Variants in SIRT2 observed in about 807,000 individuals in gnomAD.
The protein encoded by SIRT2 is sirtuin 2.
SIRT2 carries 40 observed loss-of-function variants against 57.4 expected under a neutral mutation model. The observed-to-expected ratio is 0.70, with a 90% CI of 0.54 to 0.91. The LOEUF (loss-of-function observed/expected upper bound fraction) is 0.91. Among genes scored for constraint, SIRT2 ranks in the 40% least tolerant of loss-of-function variants. SIRT2 has a pLI of 0.00. For missense variants in SIRT2, 439 were observed against 510.4 expected (o/e 0.86, Z 1.35); for synonymous variants, 161 against 195.7 (o/e 0.82, Z 1.48).
At chr19:38,882,937 T>A (rs1973200924) in intron 9 of SIRT2, among the ~76,000 whole-genome samples, 2 of 152,056 alleles carry the variant, frequency 1.3e-5, no homozygotes, top group South Asian at 4.1e-4. Flanking sequence ...GCTGGCATTT[T>A]ATCAGAACAG....
At position 38,880,282 on chromosome 19, in the gene SIRT2, G is replaced by A; in HGVS notation, c.876+403C>T. On this transcript the variant is annotated intron_variant, in intron 13 of 15. Transcript: ENST00000249396. The surrounding 1 kb of genome is among the most constrained non-coding windows in gnomAD (Gnocchi z 4.1). The stretch of plus-strand genomic sequence containing the variant: ...GCCCACAGCGTGCGCTGCTTGCCCG[G>A]TGACCCTGCCTACTTCCCCTGAGGG... 1 of 213,002 alleles carries A rather than the reference G, an allele frequency of 4.7e-6. No individual in the cohort carries two copies. The allele number at this position is 213,002 out of a possible 1,614,324, so 13.2% of individuals were successfully genotyped here. A position where few individuals can be genotyped will look rare whatever the true frequency, so the allele number is the denominator to read the frequency against.
chr19:38,888,992 C>T, intron 8 of SIRT2, 95 bp downstream of exon 8: 1 of 1,177,948 alleles, frequency 8.5e-7, no homozygotes, highest in Non-Finnish European at 1.2e-6. Context: ...GAGTCCCCGC[C>T]TGAGCTCTTG....
At chr19:38,884,937 C>T (rs770865559) in intron 8 of SIRT2, among the ~76,000 whole-genome samples, 17 of 151,110 alleles carry the variant, frequency 1.1e-4, no homozygotes, top group Admixed American at 2.6e-4. Flanking sequence ...GGCTGGTCAG[C>T]GAGCCTTCTG....
chr19:38,890,144 C>A lies in SIRT2; in HGVS notation c.227G>T (p.Cys76Phe), dbSNP rs1351485075. 6.2e-7 allele frequency: 1 copy of A among 1,614,090 alleles called. No individual in the cohort carries two copies. The highest frequency in any genetic ancestry group is 1.3e-5 in the African/African-American group (1 of 74,928). ...TCCCACCAAACAGATGACTCTGCGACCTGGAGGAGAGGAACTTATGCACCA... is the reference window on the plus strand; with the variant it reads ...TCCCACCAAACAGATGACTCTGCGAACTGGAGGAGAGGAACTTATGCACCA... ...GVARYMQSER[C>F]RRVICLVGAG... Residue 76 changes from cysteine to phenylalanine, a missense_variant and splice_region_variant, in exon 5 of 16, where the codon TGT becomes TTT. Transcript: ENST00000249396.
intron 8 of SIRT2, among the ~76,000 whole-genome samples, chr19:38,885,921 T>A (rs1464066439): frequency 1.3e-5 from 2 of 152,118 alleles, no homozygotes; most frequent in Non-Finnish European, 2.9e-5. Flanking sequence ...AGACTTTCCA[T>A]ATTAAACAGG....
At chr19:38,889,572 C>CG in intron 7 of SIRT2, 117 bp downstream of exon 7, 1 of 1,176,894 alleles carries the variant, frequency 8.5e-7, no homozygotes, top group Non-Finnish European at 1.2e-6. Flanking sequence ...AGTCTGGGCC[C>CG]AGCACCCATG....
intron 13 of SIRT2, chr19:38,879,943 A>G: frequency 1.9e-6 from 1 of 521,560 alleles, no homozygotes; most frequent in Non-Finnish European, 3.4e-6. Context: ...CTCCCGCCTC[A>G]ACCTCCCGAG....
intron 2 of SIRT2, among the ~76,000 whole-genome samples, chr19:38,895,214 C>T (rs1973680053): frequency 6.6e-6 from 1 of 152,042 alleles, no homozygotes; most frequent in African/African-American, 2.4e-5. Context: ...GCCCCAGCCT[C>T]CTCCCCCAGC....
In SIRT2 at chr19:38,889,089, G is replaced by A; in HGVS notation, c.499C>T (p.Gln167Ter). 2 of 1,612,028 alleles carry A rather than the reference G, an allele frequency of 1.2e-6. No homozygotes were observed. The highest frequency in any genetic ancestry group is 1.7e-6 in the Non-Finnish European group (2 of 1,179,940). ...CCAGGATGCTCGCATCCGCCTACCTGCGTGTAGCAGCGCAGGAGTAGCCCC... is the reference window on the plus strand; with the variant it reads ...CCAGGATGCTCGCATCCGCCTACCTACGTGTAGCAGCGCAGGAGTAGCCCC... ...DKGLLLRCYT[Q>*]NIDTLERIAG... is the part of the protein sequence containing the mutation. Residue 167 changes from glutamine to a stop codon, truncating the protein, a stop_gained and splice_region_variant, in exon 8 of 16, where the codon CAG becomes TAG. Transcript: ENST00000249396. LOFTEE classifies it high-confidence loss of function.
intron 10 of SIRT2, 136 bp from the exon 11 acceptor site, chr19:38,881,291 C>G (rs1600106432): frequency 1.7e-6 from 2 of 1,147,182 alleles, no homozygotes; most frequent in South Asian, 1.4e-5. Context: ...AGACCCCATT[C>G]TCCCCAGGAT....
chr19:38,879,674 C>T lies in SIRT2; in HGVS notation c.905G>A (p.Gly302Asp). The T allele has an allele frequency of 6.4e-7, 1 of 1,573,716 alleles. No individual in the cohort carries two copies. Among genetic ancestry groups the T allele is most frequent in the Non-Finnish European group, 8.6e-7 (1 of 1,159,170 alleles). ...QSDPFLGMIM[G>D]LGGGMDFDSK... Reference sequence around the variant, plus strand: ...GTCAAAGTCCATGCCTCCTCCGAGGCCCATAATCATCCCCAGGAAAGGGTC... The same window carrying T: ...GTCAAAGTCCATGCCTCCTCCGAGGTCCATAATCATCCCCAGGAAAGGGTC... The change falls in exon 14 of 16, where the codon GGC becomes GAC. Residue 302 changes from glycine to aspartate, a missense_variant. By Grantham distance (94) the Gly-to-Asp change is moderately conservative. Coordinates refer to ENST00000249396, the MANE Select transcript of SIRT2 (RefSeq NM_012237.4).
chr19:38,881,546 T>G, intron 9 of SIRT2, 55 bp from the exon 10 acceptor site: 2 of 1,485,134 alleles, frequency 1.3e-6, no homozygotes, highest in South Asian at 2.3e-5. Flanking sequence ...TGGGCCGGAG[T>G]CTGGAGGTGC....
intron 7 of SIRT2, 168 bp downstream of exon 7, chr19:38,889,521 C>T (rs1274002934): frequency 8.2e-6 from 6 of 735,834 alleles, no homozygotes; most frequent in Admixed American, 4.8e-5. Context: ...GGCTCAAGGT[C>T]GTAAGATGAA....
At chr19:38,884,905 T>TG (rs1973277867) in intron 8 of SIRT2, among the ~76,000 whole-genome samples, 1 of 149,882 alleles carries the variant, frequency 6.7e-6, no homozygotes, top group South Asian at 2.1e-4. Context: ...TCTGTAGAGA[T>TG]GGGGTCTCAC....
At chr19:38,883,226 G>A (rs887984557) in intron 9 of SIRT2, among the ~76,000 whole-genome samples, 10 of 151,456 alleles carry the variant, frequency 6.6e-5, no homozygotes, top group Non-Finnish European at 1.3e-4. Context: ...GATTACAGGC[G>A]CATGCCACCA....
chr19:38,892,056 A>G, intron 4 of SIRT2: 1 of 368,230 alleles, frequency 2.7e-6, no homozygotes, highest in Admixed American at 3.7e-5. Context: ...AGGACTGCCA[A>G]GGGCCTGGTT....
Position 38,883,857 on chromosome 19 carries a change from G to T in SIRT2, c.502-101C>A. On this transcript the variant is annotated intron_variant, in intron 8 of 15. Coordinates refer to ENST00000249396, the MANE Select transcript of SIRT2 (RefSeq NM_012237.4). ...GAGGGCCACGAGGAGCAGTGAGGTG[G>T]TGGGGACAGGTGGAGAAGGGAGGGA... The T allele has an allele frequency of 3.2e-6, 4 of 1,263,260 alleles. No individual in the cohort carries two copies. The African/African-American group carries it at 4.4e-5, about 14-fold the overall frequency. The allele number at this position is 1,263,260 out of a possible 1,614,324, so 78.3% of individuals were successfully genotyped here. A position where few individuals can be genotyped will look rare whatever the true frequency, so the allele number is the denominator to read the frequency against.
At chr19:38,892,090 T>C in intron 4 of SIRT2, 1 of 356,958 alleles carries the variant, frequency 2.8e-6, no homozygotes, top group Admixed American at 4.0e-5. Flanking sequence ...TGACCTCAAC[T>C]TGTGGCAAGA....
intron 10 of SIRT2, 122 bp from the exon 11 acceptor site, chr19:38,881,277 G>T: frequency 8.5e-7 from 1 of 1,172,414 alleles, no homozygotes; most frequent in Non-Finnish European, 1.2e-6. Context: ...CCGGCCAGGG[G>T]CACAGACCCC....
Sources: gnomAD v4.1 joint callset for allele counts (sites outside exome capture counted in the v4.1 genomes callset) on GRCh38, gnomAD v4.1.1 for gene constraint, Gnocchi (gnomAD v3.1) non-coding constraint, MANE v1.5 for transcripts, NCBI Gene and HGNC (gene_info 2026-07-23, HGNC 2026-07-21) for gene names.